Variants in MTRFR observed in about 807,000 individuals in gnomAD.
MTRFR encodes the protein probable peptide chain release factor C12orf65, mitochondrial.
MTRFR carries 10 observed loss-of-function variants against 11.9 expected under a neutral mutation model. That is an observed-to-expected ratio of 0.84 (90% CI 0.52 to 1.42). MTRFR has a LOEUF of 1.42. Among genes scored for constraint, MTRFR ranks in the 40% most tolerant of loss-of-function variants. The pLI is 0.00. For missense variants in MTRFR, 196 were observed against 197.9 expected (o/e 0.99, Z 0.06); for synonymous variants, 77 against 79.1 (o/e 0.97, Z 0.14).
rs772476571 is a variant in MTRFR, at chr12:123,253,747, C to A, written c.73C>A (p.Leu25Ile). The stretch of plus-strand genomic sequence containing the variant: ...ATGCCCGGCGCCATGGGGACTCCGG[C>A]TTTGGGAGAAGCTGACGTTGTTATC... ...RICPAPWGLRLWEKLTLLSPG... is the reference protein window; with the variant it reads ...RICPAPWGLRIWEKLTLLSPG... Residue 25 changes from leucine to isoleucine, a missense_variant, in exon 2 of 3, where the codon CTT becomes ATT. Coordinates refer to ENST00000253233, the MANE Select transcript of MTRFR (RefSeq NM_152269.5). 2.5e-6 allele frequency: 4 copies of A among 1,614,038 alleles called. No individual in the cohort carries two copies. The highest frequency in any genetic ancestry group is 3.3e-5 in the Admixed American group (2 of 59,996).
intron 1 of MTRFR, chr12:123,240,601 T>C (rs1431442536): frequency 2.0e-5 from 3 of 149,976 alleles, no homozygotes; most frequent in Non-Finnish European, 3.0e-5. Flanking sequence ...GGTAAACTAG[T>C]GCTTTACCTT....
chr12:123,239,413 T>C (rs1046776817), intron 1 of MTRFR, among the ~76,000 whole-genome samples: 3 of 151,802 alleles, frequency 2.0e-5, no homozygotes, highest in Non-Finnish European at 4.4e-5. Flanking sequence ...TTTTTTTGTT[T>C]GTTTTTTTGA....
intron 1 of MTRFR, among the ~76,000 whole-genome samples, chr12:123,242,544 A>G (rs1272927412): frequency 6.6e-6 from 1 of 152,168 alleles, no homozygotes; most frequent in Non-Finnish European, 1.5e-5. Context: ...TCATTGGAGT[A>G]GGGCCAAAGC....
intron 2 of MTRFR, among the ~76,000 whole-genome samples, chr12:123,255,829 G>GT (rs1283346749): frequency 6.6e-6 from 1 of 152,158 alleles, no homozygotes; most frequent in East Asian, 1.9e-4. Context: ...GTTTCACCAT[G>GT]TTGGCCAGGC....
chr12:123,245,038 C>T (rs547217133), intron 1 of MTRFR, among the ~76,000 whole-genome samples: 103 of 147,574 alleles, frequency 7.0e-4, no homozygotes, highest in Non-Finnish European at 1.3e-3. Flanking sequence ...ACCTCCACCT[C>T]CTGGAATTCA....
At chr12:123,241,802 C>T (rs188344906) in intron 1 of MTRFR, among the ~76,000 whole-genome samples, 1 of 152,312 alleles carries the variant, frequency 6.6e-6, no homozygotes, top group Admixed American at 6.5e-5. Context: ...AACATGCCAT[C>T]CCTGCAGATA....
chr12:123,248,862 T>C (rs886222809), intron 1 of MTRFR: 2 of 152,242 alleles, frequency 1.3e-5, no homozygotes, highest in Admixed American at 6.5e-5. Flanking sequence ...GACAGGGTGC[T>C]GATTGGTGCG....
intron 1 of MTRFR, chr12:123,249,978 G>A (rs141068621): frequency 6.6e-6 from 1 of 152,330 alleles, no homozygotes; most frequent in Admixed American, 6.5e-5. Flanking sequence ...TGTTTTCCAA[G>A]CTTTTAGATT....
intron 1 of MTRFR, among the ~76,000 whole-genome samples, chr12:123,245,356 CTATGTGGGCTCTAT>C (rs2048024071): frequency 6.6e-6 from 1 of 152,064 alleles, no homozygotes; most frequent in Admixed American, 6.6e-5. Flanking sequence ...CTTGCTTTGG[CTATGTGGGCTCTAT>C]TTTGGTTCCG....
rs535559939 is a variant in MTRFR, at chr12:123,235,549, T to A, written c.-29+2018T>A. The stretch of plus-strand genomic sequence containing the variant: ...CCAGCTAATTTTTTTTTTTTTTGTA[T>A]TTTTAGTAGAGATGGGGTTTCACCG... On this transcript the variant is annotated intron_variant, in intron 1 of 2. Transcript: ENST00000253233. Among the ~76,000 whole-genome samples the A allele has an allele frequency of 1.1e-4, 17 of 151,486 alleles. No homozygotes were observed. The South Asian group carries it at 2.1e-3, about 19-fold the overall frequency.
intron 1 of MTRFR, chr12:123,248,904 G>C (rs1430097878): frequency 6.6e-6 from 1 of 152,254 alleles, no homozygotes; most frequent in Admixed American, 6.5e-5. Context: ...ACAGAGTGCT[G>C]ACTGGTGCAT....
At chr12:123,251,863 G>A (rs1024712789) in intron 1 of MTRFR, among the ~76,000 whole-genome samples, 2 of 152,126 alleles carry the variant, frequency 1.3e-5, no homozygotes, top group Non-Finnish European at 2.9e-5. Context: ...TATGATCCCA[G>A]GAGCTCCCAT....
intron 2 of MTRFR, among the ~76,000 whole-genome samples, chr12:123,256,171 T>C (rs2048180157): frequency 6.6e-6 from 1 of 152,208 alleles, no homozygotes; most frequent in Non-Finnish European, 1.5e-5. Context: ...AGATGCTATT[T>C]TCTTCCTTCA....
At chr12:123,242,761 C>G (rs2047961082) in intron 1 of MTRFR, among the ~76,000 whole-genome samples, 1 of 152,216 alleles carries the variant, frequency 6.6e-6, no homozygotes, top group Admixed American at 6.5e-5. Flanking sequence ...TAAAAGCACT[C>G]TCATCTCCAT....
At chr12:123,246,737 T>G (rs1253865084) in intron 1 of MTRFR, among the ~76,000 whole-genome samples, 2 of 40,204 alleles carry the variant, frequency 5.0e-5, no homozygotes, top group African/African-American at 1.0e-4. Flanking sequence ...TTTTTTTTTT[T>G]TTTTTTTTTT....
At position 123,253,696 on chromosome 12, in the gene MTRFR, C is replaced by G. The variant is rs972085175; in HGVS notation, c.22C>G (p.His8Asp). 1.2e-6 allele frequency: 2 copies of G among 1,614,166 alleles called. No individual in the cohort carries two copies. Among genetic ancestry groups the G allele is most frequent in the Admixed American group, 1.7e-5 (1 of 60,024 alleles). Residue 8 changes from histidine (H) to aspartate (D), a missense_variant, in exon 2 of 3, where the codon CAT (histidine) becomes GAT (aspartate). Transcript: ENST00000253233. MSTVGLF[H>D]FPTPLTRICP... Reference sequence around the variant, plus strand: ...CCTTATGAGCACCGTGGGTTTATTTCATTTTCCTACACCACTGACCCGAAT... The same window carrying G: ...CCTTATGAGCACCGTGGGTTTATTTGATTTTCCTACACCACTGACCCGAAT...
chr12:123,252,862 T>C (rs2048130581), intron 1 of MTRFR, among the ~76,000 whole-genome samples: 2 of 149,992 alleles, frequency 1.3e-5, no homozygotes, highest in Admixed American at 1.3e-4. Flanking sequence ...GAGGCGGAGG[T>C]TGCAGTGAGC....
At chr12:123,235,491 A>G (rs1270361421) in intron 1 of MTRFR, among the ~76,000 whole-genome samples, 1 of 151,154 alleles carries the variant, frequency 6.6e-6, no homozygotes, top group African/African-American at 2.4e-5. Context: ...TAGCCTCCCT[A>G]GTAGCTGAGA....
intron 2 of MTRFR, 27 bp from the exon 3 acceptor site, chr12:123,256,786 C>A (rs373360140): frequency 3.4e-5 from 53 of 1,574,384 alleles, no homozygotes; most frequent in Middle Eastern, 3.3e-4. Context: ...CTGTGGTTTT[C>A]ACATTATAAA....
Sources: gnomAD v4.1 joint callset for allele counts (sites outside exome capture counted in the v4.1 genomes callset) on GRCh38, gnomAD v4.1.1 for gene constraint, MANE v1.5 for transcripts, NCBI Gene and HGNC (gene_info 2026-07-23, HGNC 2026-07-21) for gene names.